The following PINX1 variants were observed in gnomAD, a reference collection of about 807,000 sequenced individuals.
The protein encoded by PINX1 is PIN2 (TERF1) interacting telomerase inhibitor 1, also known as PIN2/TERF1-interacting telomerase inhibitor 1.
PINX1 carries 34 observed loss-of-function variants against 25.4 expected under a neutral mutation model. The observed-to-expected ratio is 1.34, with a 90% CI of 1.02 to 1.78. PINX1 has a LOEUF of 1.78. Among genes scored for constraint, PINX1 ranks in the 40% most tolerant of loss-of-function variants. The pLI is 0.00. For missense variants in PINX1, 592 were observed against 404.9 expected (o/e 1.46, Z -3.97); for synonymous variants, 197 against 147.7 (o/e 1.33, Z -2.42).
chr8:10,810,180 G>A (rs1802583556), intron 6 of PINX1, among the ~76,000 whole-genome samples: 1 of 152,150 alleles, frequency 6.6e-6, no homozygotes, highest in East Asian at 1.9e-4. Context: ...TCCGACACTG[G>A]GGATTACAAT....
rs555750544 is a variant in PINX1, at chr8:10,832,923, T to C, written c.191A>G (p.His64Arg). ...ATTGATGGTAGCTCCGAGTCCCAGGTGGTTATTTTTCACTTGAACTTTAAT... is the reference window on the plus strand; with the variant it reads ...ATTGATGGTAGCTCCGAGTCCCAGGCGGTTATTTTTCACTTGAACTTTAAT... ...DHIKVQVKNNHLGLGATINNE... is the reference protein window; with the variant it reads ...DHIKVQVKNNRLGLGATINNE... Residue 64 changes from histidine (H) to arginine (R), a missense_variant, in exon 3 of 7, where the codon CAC (histidine) becomes CGC (arginine). Physicochemically the swap from His to Arg is conservative, Grantham distance 29. Coordinates refer to ENST00000314787, the MANE Select transcript of PINX1 (RefSeq NM_017884.6). 6.2e-7 allele frequency: 1 copy of C among 1,611,858 alleles called. No individual in the cohort carries two copies. The highest frequency in any genetic ancestry group is 1.7e-5 in the Admixed American group (1 of 59,956).
intron 6 of PINX1, among the ~76,000 whole-genome samples, chr8:10,782,959 C>A (rs977049354): frequency 4.6e-5 from 7 of 152,156 alleles, no homozygotes; most frequent in Non-Finnish European, 5.9e-5. Context: ...TTCCTATATG[C>A]ACTGTTCCTC....
intron 6 of PINX1, among the ~76,000 whole-genome samples, chr8:10,810,007 G>C (rs1039014334): frequency 1.3e-5 from 2 of 152,194 alleles, no homozygotes; most frequent in African/African-American, 4.8e-5. Flanking sequence ...AGAAGGGAGA[G>C]CCAGCCCATC....
At chr8:10,794,457 G>A (rs1314753431) in intron 6 of PINX1, among the ~76,000 whole-genome samples, 4 of 150,558 alleles carry the variant, frequency 2.7e-5, no homozygotes, top group African/African-American at 7.3e-5. Context: ...TTTTTGAGAC[G>A]GAGTTTCGCT....
At chr8:10,778,036 T>C (rs770515079) in intron 6 of PINX1, among the ~76,000 whole-genome samples, 2 of 152,156 alleles carry the variant, frequency 1.3e-5, no homozygotes, top group Non-Finnish European at 1.5e-5. Context: ...TACAGACGAA[T>C]GGCATCGATG....
At chr8:10,794,644 C>T (rs761464925) in intron 6 of PINX1, among the ~76,000 whole-genome samples, 2 of 152,112 alleles carry the variant, frequency 1.3e-5, no homozygotes, top group Non-Finnish European at 2.9e-5. Context: ...CCAGGCTGAT[C>T]TCGAACTCCT....
intron 6 of PINX1, among the ~76,000 whole-genome samples, chr8:10,788,256 C>T (rs1400990577): frequency 2.0e-5 from 3 of 152,118 alleles, no homozygotes; most frequent in Non-Finnish European, 4.4e-5. Context: ...TCTCCATAAG[C>T]AACAGTTTTA....
At position 10,765,671 on chromosome 8, in the gene PINX1, C is replaced by G. The variant is rs1363967518; in HGVS notation, c.717G>C (p.Lys239Asn). 2 of 1,613,924 alleles carry G rather than the reference C, an allele frequency of 1.2e-6. No individual in the cohort carries two copies. The highest frequency in any genetic ancestry group is 1.7e-6 in the Non-Finnish European group (2 of 1,179,910). Residue 239 changes from lysine to asparagine, a missense_variant, in exon 7 of 7, where the codon AAG becomes AAC. Coordinates refer to ENST00000314787, the MANE Select transcript of PINX1 (RefSeq NM_017884.6). The part of the protein sequence containing the change: ...QPKAKRHTEG[K>N]PERAEAQERV... ...GCTCCTGGGCCTCGGCCCTCTCGGG[C>G]TTTCCCTCCGTGTGCCTCTTGGCCT...
chr8:10,811,082 T>G (rs1797506860), intron 6 of PINX1, among the ~76,000 whole-genome samples: 1 of 152,268 alleles, frequency 6.6e-6, no homozygotes, highest in South Asian at 2.1e-4. Context: ...TAAGCTGCAC[T>G]GGGCATTTAC....
intron 5 of PINX1, among the ~76,000 whole-genome samples, chr8:10,824,885 G>A (rs890476679): frequency 2.6e-5 from 4 of 152,188 alleles, no homozygotes; most frequent in Non-Finnish European, 5.9e-5. Context: ...GGTATGAAGT[G>A]AGCATGTACC....
At chr8:10,824,450 G>A (rs757554605) in intron 5 of PINX1, among the ~76,000 whole-genome samples, 1 of 152,124 alleles carries the variant, frequency 6.6e-6, no homozygotes, top group Non-Finnish European at 1.5e-5. Context: ...CAATAGATCC[G>A]AGAATCCTTC....
In PINX1 at chr8:10,765,715, C is replaced by T. The variant is rs1212635780; in HGVS notation, c.673G>A (p.Glu225Lys). ...TTGGCCTTAGGCTGGAGGTAACTTT[C>T]CACATCTTTACCTGTGGCCTCTTTA... ...RNKEATGKDV[E>K]SYLQPKAKRH... Residue 225 changes from glutamate (E) to lysine (K), a missense_variant, in exon 7 of 7, where the codon GAA becomes AAA. Glu to Lys is a moderately conservative substitution (Grantham distance 56). Coordinates refer to ENST00000314787, the MANE Select transcript of PINX1 (RefSeq NM_017884.6). The T allele has an allele frequency of 6.2e-7, 1 of 1,614,032 alleles. No individual in the cohort carries two copies. Among genetic ancestry groups the T allele is most frequent in the African/African-American group, 1.3e-5 (1 of 75,056 alleles).
intron 6 of PINX1, among the ~76,000 whole-genome samples, chr8:10,786,968 G>T (rs1178579644): frequency 1.3e-5 from 2 of 152,160 alleles, no homozygotes; most frequent in Non-Finnish European, 2.9e-5. Flanking sequence ...CGATCTCAGT[G>T]AATTATCTCA....
chr8:10,766,464 C>T (rs1255142966), intron 6 of PINX1, among the ~76,000 whole-genome samples: 2 of 152,220 alleles, frequency 1.3e-5, no homozygotes, highest in Non-Finnish European at 2.9e-5. Flanking sequence ...TTGCCAGGGG[C>T]ACCCTTTCTC....
In PINX1 at chr8:10,813,140, G is replaced by A. The variant is rs7837481; in HGVS notation, c.471+7053C>T. ...AAAAAATGAATTTTGGAACTCAAGT[G>A]TATTAATTGGCTTGTTTGTGGGCTT... On this transcript the variant is annotated intron_variant, in intron 6 of 6. Coordinates refer to ENST00000314787, the MANE Select transcript of PINX1 (RefSeq NM_017884.6). Among the ~76,000 whole-genome samples, 828 of 152,268 alleles carry A rather than the reference G, an allele frequency of 5.4e-3. 9 individuals are homozygous for A. The highest frequency in any genetic ancestry group is 0.019 in the African/African-American group (791 of 41,530).
At chr8:10,786,867 A>G (rs903057676) in intron 6 of PINX1, among the ~76,000 whole-genome samples, 3 of 152,180 alleles carry the variant, frequency 2.0e-5, no homozygotes, top group South Asian at 2.1e-4. Context: ...GCCCTCAGCT[A>G]GTGGCAGATT....
At chr8:10,832,252 C>T (rs1303888756) in intron 3 of PINX1, among the ~76,000 whole-genome samples, 3 of 152,102 alleles carry the variant, frequency 2.0e-5, no homozygotes, top group Non-Finnish European at 2.9e-5. Flanking sequence ...GATGAGTTCC[C>T]ATTTGTAAGG....
At chr8:10,779,634 T>C (rs545057119) in intron 6 of PINX1, among the ~76,000 whole-genome samples, 77 of 152,336 alleles carry the variant, frequency 5.1e-4, no homozygotes, top group African/African-American at 1.8e-3. Flanking sequence ...AGTACTGTGA[T>C]ATTTTAATGC....
At chr8:10,836,931 G>A (rs1310512482) in intron 1 of PINX1, among the ~76,000 whole-genome samples, 1 of 127,164 alleles carries the variant, frequency 7.9e-6, no homozygotes, top group Non-Finnish European at 1.6e-5. Context: ...GGAAAAGACT[G>A]CCTCTGAGCT....
Sources: gnomAD v4.1 joint callset for allele counts (sites outside exome capture counted in the v4.1 genomes callset) on GRCh38, gnomAD v4.1.1 for gene constraint, MANE v1.5 for transcripts, NCBI Gene and HGNC (gene_info 2026-07-23, HGNC 2026-07-21) for gene names.